The following SBF2 variants were observed in gnomAD, a reference collection of about 807,000 sequenced individuals.
SBF2 encodes myotubularin-related protein 13.
A neutral mutation model predicts 225.2 loss-of-function variants in SBF2; 112 were observed. That is an observed-to-expected ratio of 0.50 (90% CI 0.43 to 0.58). SBF2 has a LOEUF of 0.58. Ranked by LOEUF, SBF2 falls within the 20% of genes least tolerant of loss-of-function variation. The pLI is 0.00. For synonymous variants in SBF2, 763 were observed against 773.3 expected, an observed-to-expected ratio of 0.99 and a Z score of 0.22; for missense variants, 1,996 against 2,206.2, an observed-to-expected ratio of 0.90 and a Z score of 1.91.
At chr11:9,931,695 A>G (rs1284418038) in intron 16 of SBF2, among the ~76,000 whole-genome samples, 1 of 152,226 alleles carries the variant, frequency 6.6e-6, no homozygotes. Flanking sequence ...GAAAAGCTGA[A>G]AATTCTAAAA....
chr11:10,058,019 A>G (rs1350663359), intron 2 of SBF2, among the ~76,000 whole-genome samples: 1 of 151,642 alleles, frequency 6.6e-6, no homozygotes, highest in Non-Finnish European at 1.5e-5. Context: ...AGTGTACTCA[A>G]TCTACACTGC....
At position 9,795,831 on chromosome 11, in the gene SBF2, C is replaced by T; in HGVS notation, c.4570G>A (p.Gly1524Arg). ...LDSDYERLEHGTLFDDKGEKH... is the reference protein window; with the variant it reads ...LDSDYERLEHRTLFDDKGEKH... ...GAAACAAGGGCATACAGACACATAC[C>T]GTGCTCTAATCTTTCATAGTCTGAA... is the stretch of plus-strand genomic sequence containing the variant. The change falls in exon 33 of 40, where the codon GGA (glycine) becomes AGA (arginine). Residue 1524 changes from glycine to arginine, a missense_variant and splice_region_variant. Transcript: ENST00000256190. The T allele has an allele frequency of 6.2e-6, 10 of 1,613,510 alleles. No individual in the cohort carries two copies. The highest frequency in any genetic ancestry group is 8.5e-6 in the Non-Finnish European group (10 of 1,179,798).
chr11:10,083,664 G>A (rs1373337926), intron 2 of SBF2, among the ~76,000 whole-genome samples: 2 of 152,162 alleles, frequency 1.3e-5, no homozygotes, highest in Non-Finnish European at 2.9e-5. Context: ...AGGGAAATTG[G>A]AGTGCCATAT....
At chr11:10,145,072 C>T (rs144992256) in intron 2 of SBF2, among the ~76,000 whole-genome samples, 4 of 152,294 alleles carry the variant, frequency 2.6e-5, no homozygotes, top group African/African-American at 4.8e-5. Context: ...TAGGAATTCA[C>T]GTAGCACAAA....
At chr11:10,002,831 T>G in intron 6 of SBF2, 142 bp from the exon 7 acceptor site, 1 of 771,360 alleles carries the variant, frequency 1.3e-6, no homozygotes, top group South Asian at 1.6e-5. Context: ...GTAAATTCCA[T>G]ATAATCTATG....
Position 9,785,221 on chromosome 11 carries a change from C to A in SBF2, c.5135G>T (p.Gly1712Val), listed in dbSNP as rs757214892. ...GGAGATGCTGGAATTCTGTTCCTCCCCCATGCTGCTGTCTGGGAGATGTAG... is the reference window on the plus strand; with the variant it reads ...GGAGATGCTGGAATTCTGTTCCTCCACCATGCTGCTGTCTGGGAGATGTAG... ...SLLHLPDSSM[G>V]EEQNSSISPS... The change falls in exon 37 of 40, where the codon GGG becomes GTG. Residue 1712 changes from glycine to valine, a missense_variant. Coordinates refer to ENST00000256190, the MANE Select transcript of SBF2 (RefSeq NM_030962.4). The A allele has an allele frequency of 3.7e-6, 6 of 1,614,156 alleles. No individual in the cohort carries two copies. The highest frequency in any genetic ancestry group is 5.1e-6 in the Non-Finnish European group (6 of 1,180,030).
At chr11:10,256,976 C>T (rs1383721913) in intron 1 of SBF2, among the ~76,000 whole-genome samples, 1 of 152,150 alleles carries the variant, frequency 6.6e-6, no homozygotes, top group Non-Finnish European at 1.5e-5. Context: ...CTGGTACATC[C>T]AAACACTTCC....
intron 8 of SBF2, 141 bp downstream of exon 8, chr11:10,000,773 G>C (rs112152295): frequency 1.6e-6 from 1 of 606,726 alleles, no homozygotes; most frequent in Admixed American, 2.9e-5. Context: ...ACTTTTCAAT[G>C]ATATTTTTCT....
chr11:10,023,800 T>C (rs1247127254), intron 6 of SBF2, among the ~76,000 whole-genome samples: 1 of 152,232 alleles, frequency 6.6e-6, no homozygotes, highest in African/African-American at 2.4e-5. Flanking sequence ...GCTTCCACTT[T>C]CTGACTCTTA....
chr11:10,074,452 A>G (rs1951018090), intron 2 of SBF2, among the ~76,000 whole-genome samples: 1 of 152,220 alleles, frequency 6.6e-6, no homozygotes, highest in African/African-American at 2.4e-5. Flanking sequence ...GACAAAAATT[A>G]GAAACAAAAT....
chr11:9,914,438 A>G (rs539287097), intron 16 of SBF2, among the ~76,000 whole-genome samples: 1 of 152,336 alleles, frequency 6.6e-6, no homozygotes, highest in East Asian at 1.9e-4. Context: ...GTAGGATGGA[A>G]GCAAAATAGT....
intron 6 of SBF2, among the ~76,000 whole-genome samples, chr11:10,023,082 T>C (rs61877043): frequency 0.26 from 39,611 of 152,070 alleles, 5,275 homozygotes; most frequent in Middle Eastern, 0.32. Context: ...ATTTCTTTCA[T>C]CTTTATTAAT....
intron 2 of SBF2, among the ~76,000 whole-genome samples, chr11:10,061,787 A>T (rs1325128467): frequency 6.6e-6 from 1 of 152,208 alleles, no homozygotes; most frequent in Non-Finnish European, 1.5e-5. Flanking sequence ...TTACAGACTC[A>T]ATGCTATTCC....
chr11:10,157,074 G>A (rs921888029), intron 2 of SBF2, among the ~76,000 whole-genome samples: 5 of 152,056 alleles, frequency 3.3e-5, no homozygotes, highest in Admixed American at 6.5e-5. Context: ...TCAGACACAC[G>A]GATCAATGGA....
intron 16 of SBF2, among the ~76,000 whole-genome samples, chr11:9,909,481 C>A (rs1372137762): frequency 6.6e-6 from 1 of 151,972 alleles, no homozygotes; most frequent in Admixed American, 6.6e-5. Context: ...ACCATCCTGG[C>A]TAACACAGTG....
chr11:9,878,046 G>A (rs546823893), intron 17 of SBF2, among the ~76,000 whole-genome samples: 2 of 151,464 alleles, frequency 1.3e-5, no homozygotes, highest in African/African-American at 2.4e-5. Context: ...CTCCACATCC[G>A]CTCCAGCATC....
intron 16 of SBF2, chr11:9,929,063 G>A: frequency 2.3e-6 from 1 of 429,176 alleles, no homozygotes; most frequent in South Asian, 2.0e-5. Flanking sequence ...AAGGAGAAGA[G>A]GAAGATGAGG....
chr11:9,897,870 G>GT (rs1312592892), intron 16 of SBF2, among the ~76,000 whole-genome samples: 2 of 152,138 alleles, frequency 1.3e-5, no homozygotes, highest in African/African-American at 2.4e-5. Flanking sequence ...TCAGTGTGGT[G>GT]TTTTTTCCTC....
At chr11:9,832,471 G>T in intron 26 of SBF2, 51 bp from the exon 27 acceptor site, 2 of 1,302,732 alleles carry the variant, frequency 1.5e-6, no homozygotes, top group Non-Finnish European at 1.1e-6. Flanking sequence ...GGAACAGAGG[G>T]GAAGAAAAGG....
Sources: gnomAD v4.1 joint callset for allele counts (sites outside exome capture counted in the v4.1 genomes callset) on GRCh38, gnomAD v4.1.1 for gene constraint, MANE v1.5 for transcripts, NCBI Gene and HGNC (gene_info 2026-07-23, HGNC 2026-07-21) for gene names.